Variants in TNPO1 observed in about 807,000 individuals in gnomAD.
The protein encoded by TNPO1 is transportin 1, also known as transportin-1.
In TNPO1, 8 loss-of-function variants were observed where a neutral mutation model predicts 119.5. That is an observed-to-expected ratio of 0.07 (90% CI 0.04 to 0.12). TNPO1 has a LOEUF of 0.12. TNPO1 is among the 10% of genes least tolerant of loss of function. TNPO1 has a pLI of 1.00. For missense variants in TNPO1, 576 were observed against 1,089.8 expected (o/e 0.53, Z 6.64); for synonymous variants, 362 against 363.0 (o/e 1.00, Z 0.03).
chr5:72,905,298 T>TA lies in TNPO1; in HGVS notation c.2590-4dup, dbSNP rs779884560. The TA allele has an allele frequency of 8.1e-6, 13 of 1,605,138 alleles. No homozygotes were observed. Among genetic ancestry groups the TA allele is most frequent in the African/African-American group, 2.7e-5 (2 of 74,484 alleles). ...TGATAAATTAATGGTTTTTCACTCT[T>TA]ACAGATCCTTCATGGATTTAAAAAT... On this transcript the variant is annotated splice_polypyrimidine_tract_variant and splice_region_variant and intron_variant, in intron 23 of 24. Coordinates refer to ENST00000337273, the MANE Select transcript of TNPO1 (RefSeq NM_002270.4).
At chr5:72,835,808 A>ACTTTT (rs1484222690) in intron 1 of TNPO1, among the ~76,000 whole-genome samples, 2 of 152,200 alleles carry the variant, frequency 1.3e-5, no homozygotes, top group Non-Finnish European at 2.9e-5. Flanking sequence ...TCTGAAGCCG[A>ACTTTT]GAATCTCATC....
intron 10 of TNPO1, 47 bp from the exon 11 acceptor site, chr5:72,883,017 T>C (rs1013150420): frequency 7.6e-7 from 1 of 1,320,928 alleles, no homozygotes. Flanking sequence ...TACATACTAT[T>C]AGCCTATAAT....
At chr5:72,877,579 C>T (rs559160318) in intron 9 of TNPO1, among the ~76,000 whole-genome samples, 1 of 152,010 alleles carries the variant, frequency 6.6e-6, no homozygotes, top group Non-Finnish European at 1.5e-5. Flanking sequence ...TAATTTACAG[C>T]ACAGTATTTT....
Position 72,852,348 on chromosome 5 carries a change from T to C in TNPO1, c.205+1029T>C, listed in dbSNP as rs115150471. 3.0e-3 allele frequency among the ~76,000 whole-genome samples: 456 copies of C among 152,292 alleles called. 1 individual carries two copies. Among genetic ancestry groups the C allele is most frequent in the Non-Finnish European group, 5.1e-3 (349 of 68,026 alleles). On this transcript the variant is annotated intron_variant, in intron 3 of 24. Coordinates refer to ENST00000337273, the MANE Select transcript of TNPO1 (RefSeq NM_002270.4). ...ATGGAGCGCCATCTCTGCCATGCAATTTACAGGCTCAGGAGAGAAAGGTGA... is the reference window on the plus strand; with the variant it reads ...ATGGAGCGCCATCTCTGCCATGCAACTTACAGGCTCAGGAGAGAAAGGTGA...
chr5:72,820,025 A>G (rs943547966), intron 1 of TNPO1, among the ~76,000 whole-genome samples: 4 of 152,234 alleles, frequency 2.6e-5, no homozygotes, highest in African/African-American at 9.6e-5. Flanking sequence ...TAACTACTGT[A>G]AGCCCTTTTG....
At chr5:72,852,873 A>G (rs1745686507) in intron 3 of TNPO1, among the ~76,000 whole-genome samples, 1 of 152,220 alleles carries the variant, frequency 6.6e-6, no homozygotes, top group Non-Finnish European at 1.5e-5. Context: ...TAATATTCCT[A>G]GTTTGATATT....
chr5:72,866,464 A>G (rs866903704), intron 6 of TNPO1, among the ~76,000 whole-genome samples: 1 of 151,708 alleles, frequency 6.6e-6, no homozygotes, highest in Non-Finnish European at 1.5e-5. Flanking sequence ...TCTCAGTAAT[A>G]AAAAAACAGC....
In TNPO1 at chr5:72,905,423, A is replaced by G. The variant is rs768850943; in HGVS notation, c.*13A>G. 6.4e-7 allele frequency: 1 copy of G among 1,564,480 alleles called. No individual in the cohort carries two copies. The highest frequency in any genetic ancestry group is 8.7e-7 in the Non-Finnish European group (1 of 1,152,016). ...TTATGGTGTTTAATCTAATACACTT[A>G]AGCTGCAGTCCCAAAATTAGGGGTA... On this transcript the variant is annotated 3_prime_UTR_variant, in exon 24 of 25. Transcript: ENST00000337273.
chr5:72,816,680 C>T lies in TNPO1; in HGVS notation c.-58C>T. On this transcript the variant is annotated 5_prime_UTR_variant, in exon 1 of 25. Coordinates refer to ENST00000337273, the MANE Select transcript of TNPO1 (RefSeq NM_002270.4). ...CTCTTTGTTCCGCAGCCATTTCAGG[C>T]CCCGGACAGGAGGCAGTGCCGCTTC... The T allele has an allele frequency of 1.3e-6, 2 of 1,520,258 alleles. No homozygotes were observed. The highest frequency in any genetic ancestry group is 2.6e-5 in the East Asian group (1 of 38,098). 94.2% of individuals were successfully genotyped at this position (1,520,258 alleles called of 1,614,324 possible). A position where few individuals can be genotyped will look rare whatever the true frequency, so the allele number is the denominator to read the frequency against.
intron 1 of TNPO1, among the ~76,000 whole-genome samples, chr5:72,820,360 T>C (rs565528171): frequency 1.3e-5 from 2 of 152,168 alleles, no homozygotes; most frequent in Admixed American, 6.5e-5. Context: ...CAAATTGCTT[T>C]TACTTAAGGG....
chr5:72,901,756 A>T (rs1749810779), intron 22 of TNPO1, among the ~76,000 whole-genome samples: 1 of 152,192 alleles, frequency 6.6e-6, no homozygotes, highest in Non-Finnish European at 1.5e-5. Flanking sequence ...TCTTCAGCAG[A>T]CACGTTTAAG....
intron 3 of TNPO1, among the ~76,000 whole-genome samples, chr5:72,852,628 A>G (rs1745672738): frequency 1.3e-5 from 2 of 152,212 alleles, no homozygotes; most frequent in Non-Finnish European, 2.9e-5. Flanking sequence ...AGACAACCAG[A>G]CCATCTGTAA....
chr5:72,904,232 A>AC (rs1749977415), intron 23 of TNPO1, among the ~76,000 whole-genome samples: 1 of 152,200 alleles, frequency 6.6e-6, no homozygotes, highest in South Asian at 2.1e-4. Flanking sequence ...CATTTGAATC[A>AC]CCCAAGATTA....
At chr5:72,818,261 A>G (rs972377816) in intron 1 of TNPO1, among the ~76,000 whole-genome samples, 1 of 152,190 alleles carries the variant, frequency 6.6e-6, no homozygotes, top group African/African-American at 2.4e-5. Flanking sequence ...TTGCACTTCT[A>G]CCTCAACTCT....
intron 1 of TNPO1, among the ~76,000 whole-genome samples, chr5:72,842,891 C>T (rs934402203): frequency 6.6e-6 from 1 of 152,218 alleles, no homozygotes; most frequent in Admixed American, 6.5e-5. Context: ...TTAACATCAT[C>T]TATGAGGTCC....
rs71636066 is a variant in TNPO1 at position 72,913,708 on chromosome 5, C to G, written c.*5035C>G. ...AAAAGCCTATTATAACATGGTTAGC[C>G]TATAAGGCAGTGTTGGTCCCCTTCT... On this transcript the variant is annotated 3_prime_UTR_variant, in exon 25 of 25. Transcript: ENST00000337273. The G allele has an allele frequency of 6.6e-6, 1 of 152,486 alleles. No homozygotes were observed. The allele number at this position is 152,486 out of a possible 1,614,324, so 9.4% of individuals were successfully genotyped here.
chr5:72,875,786 A>C, intron 8 of TNPO1, 49 bp downstream of exon 8: 3 of 1,564,440 alleles, frequency 1.9e-6, no homozygotes, highest in Non-Finnish European at 1.7e-6. Flanking sequence ...CCCTAAGAGA[A>C]ATACTAGATA....
At chr5:72,897,637 T>A (rs1749528308) in intron 20 of TNPO1, among the ~76,000 whole-genome samples, 1 of 151,368 alleles carries the variant, frequency 6.6e-6, no homozygotes, top group African/African-American at 2.4e-5. Flanking sequence ...TTAATTTATT[T>A]TTTTTTTTTT....
chr5:72,867,277 C>T (rs1359285726), intron 6 of TNPO1, among the ~76,000 whole-genome samples: 5 of 152,056 alleles, frequency 3.3e-5, no homozygotes, highest in Admixed American at 2.0e-4. Flanking sequence ...TAATAACTAT[C>T]TACTGTAAAT....
Sources: gnomAD v4.1 joint callset for allele counts (sites outside exome capture counted in the v4.1 genomes callset) on GRCh38, gnomAD v4.1.1 for gene constraint, MANE v1.5 for transcripts, NCBI Gene and HGNC (gene_info 2026-07-23, HGNC 2026-07-21) for gene names.